The following CHRDL1 variants were observed in gnomAD, a reference collection of about 807,000 sequenced individuals.
The protein encoded by CHRDL1 is chordin-like protein 1.
CHRDL1 carries 19 observed loss-of-function variants against 40.9 expected under a neutral mutation model. The observed-to-expected ratio is 0.46, with a 90% CI of 0.32 to 0.68. The LOEUF (loss-of-function observed/expected upper bound fraction) is 0.68. Ranked by LOEUF, CHRDL1 falls within the 30% of genes least tolerant of loss-of-function variation. The pLI is 0.03. For synonymous variants in CHRDL1, 136 were observed against 123.4 expected (o/e 1.10, Z -0.68); for missense variants, 329 against 352.1 (o/e 0.93, Z 0.53).
intron 6 of CHRDL1, among the ~76,000 whole-genome samples, chrX:110,716,444 A>T (rs1246347140): frequency 9.0e-6 from 1 of 111,057 alleles, no homozygotes; most frequent in African/African-American, 3.3e-5. Flanking sequence ...ATGCATTAAT[A>T]GGGATGATAA....
intron 6 of CHRDL1, among the ~76,000 whole-genome samples, chrX:110,717,886 C>A (rs921564619): frequency 1.2e-4 from 13 of 111,865 alleles, no homozygotes; most frequent in Non-Finnish European, 2.1e-4. Context: ...TGGTTCACAA[C>A]CTTAGCTGCA....
intron 2 of CHRDL1, among the ~76,000 whole-genome samples, chrX:110,767,338 C>T (rs1213090752): frequency 9.0e-6 from 1 of 110,663 alleles, no homozygotes; most frequent in East Asian, 2.8e-4. Flanking sequence ...AAGTCCTAGC[C>T]AGAGCAATCA....
rs758218753 is a variant in CHRDL1 at position 110,705,760 on chromosome X, C to A, written c.542-5039G>T. 3.7e-5 allele frequency among the ~76,000 whole-genome samples: 4 copies of A among 107,463 alleles called. No individual in the cohort carries two copies. The East Asian group carries it at 1.2e-3, about 31-fold the overall frequency. 93.3% of individuals were successfully genotyped at this position (107,463 alleles called of 115,157 possible). A position where few individuals can be genotyped will look rare whatever the true frequency, so the allele number is the denominator to read the frequency against. ...AGCATTTTGGACAAGGGATATTTAACCTGTATATAAATACACACATATATG... is the reference window on the plus strand; with the variant it reads ...AGCATTTTGGACAAGGGATATTTAAACTGTATATAAATACACACATATATG... On this transcript the variant is annotated intron_variant, in intron 6 of 11. Transcript: ENST00000372042.
In CHRDL1 at chrX:110,719,518, C is replaced by T. The variant is rs1370288629; in HGVS notation, c.541+317G>A. Among the ~76,000 whole-genome samples, 4 of 109,845 alleles carry T rather than the reference C, an allele frequency of 3.6e-5. No individual in the cohort carries two copies. In the East Asian group the frequency reaches 1.1e-3, roughly 31 times the overall value. Reference sequence around the variant, plus strand: ...TGAAAATAGTCTGTGTTTTATGATACAATAATTTAAGGGCCAAGCTAGAAG... The same window carrying T: ...TGAAAATAGTCTGTGTTTTATGATATAATAATTTAAGGGCCAAGCTAGAAG... On this transcript the variant is annotated intron_variant, in intron 6 of 11. Transcript: ENST00000372042.
intron 2 of CHRDL1, among the ~76,000 whole-genome samples, chrX:110,769,804 C>A (rs182755450): frequency 8.9e-6 from 1 of 111,758 alleles, no homozygotes; most frequent in Non-Finnish European, 1.9e-5. Flanking sequence ...GACCTCCCGC[C>A]GGGTTTCTCC....
intron 2 of CHRDL1, among the ~76,000 whole-genome samples, chrX:110,777,326 T>C (rs1288855236): frequency 1.4e-4 from 11 of 76,979 alleles, no homozygotes; most frequent in Non-Finnish European, 2.8e-4. Context: ...CAGGTTTTTG[T>C]GGGACATACA....
chrX:110,789,280 A>C (rs143537105), intron 2 of CHRDL1, among the ~76,000 whole-genome samples: 2,716 of 111,686 alleles, frequency 0.024, 81 homozygotes, highest in African/African-American at 0.083. Flanking sequence ...CCAAAATACA[A>C]AGATTGATTA....
chrX:110,688,111 C>T (rs2070063825), intron 9 of CHRDL1, among the ~76,000 whole-genome samples: 1 of 111,226 alleles, frequency 9.0e-6, no homozygotes, highest in Non-Finnish European at 1.9e-5. Context: ...TTCAATTGTA[C>T]AGATAAGGCT....
At chrX:110,739,082 G>A (rs917869085) in intron 4 of CHRDL1, among the ~76,000 whole-genome samples, 2 of 111,915 alleles carry the variant, frequency 1.8e-5, no homozygotes, top group African/African-American at 6.5e-5. Flanking sequence ...AAAATGTAAG[G>A]ACTGGCAAAA....
chrX:110,777,368 G>A (rs2089869287), intron 2 of CHRDL1, among the ~76,000 whole-genome samples: 1 of 111,138 alleles, frequency 9.0e-6, no homozygotes, highest in Admixed American at 9.6e-5. Flanking sequence ...ATATCAAGGA[G>A]TGAAACTGCT....
At chrX:110,682,255 C>G (rs1477683852) in intron 9 of CHRDL1, among the ~76,000 whole-genome samples, 1 of 112,444 alleles carries the variant, frequency 8.9e-6, no homozygotes, top group Non-Finnish European at 1.9e-5. Flanking sequence ...ACCGGATCAG[C>G]ACCAGTGCCA....
chrX:110,735,378 CT>C (rs772694914), intron 4 of CHRDL1, among the ~76,000 whole-genome samples: 1 of 112,023 alleles, frequency 8.9e-6, no homozygotes, highest in Non-Finnish European at 1.9e-5. Flanking sequence ...CCACCAGACT[CT>C]TTTTTTCACC....
At chrX:110,685,317 C>T (rs5943049) in intron 9 of CHRDL1, among the ~76,000 whole-genome samples, 53,566 of 110,151 alleles carry the variant, frequency 0.49, 11,247 homozygotes, top group African/African-American at 0.79. Flanking sequence ...AGTGCAATGG[C>T]GCGATCTTGG....
chrX:110,708,581 C>A, intron 6 of CHRDL1, among the ~76,000 whole-genome samples: 1 of 111,703 alleles, frequency 9.0e-6, no homozygotes, highest in Non-Finnish European at 1.9e-5. Flanking sequence ...TTGAGAAATA[C>A]CAAAACACAC....
intron 4 of CHRDL1, among the ~76,000 whole-genome samples, chrX:110,726,648 G>A (rs1213088694): frequency 8.9e-6 from 1 of 111,990 alleles, no homozygotes; most frequent in Non-Finnish European, 1.9e-5. Context: ...GAGGTTCAGC[G>A]ATAATTAATT....
chrX:110,771,543 A>C (rs2089760375), intron 2 of CHRDL1, among the ~76,000 whole-genome samples: 1 of 112,450 alleles, frequency 8.9e-6, no homozygotes, highest in African/African-American at 3.2e-5. Context: ...AAATCCAATC[A>C]ATGTAATTCA....
intron 2 of CHRDL1, among the ~76,000 whole-genome samples, chrX:110,781,036 ACTT>A (rs1357011835): frequency 9.0e-6 from 1 of 111,008 alleles, no homozygotes; most frequent in East Asian, 2.8e-4. Context: ...TACAAATTAA[ACTT>A]CTGCTCCACA....
chrX:110,731,225 G>A (rs1156746734), intron 4 of CHRDL1, among the ~76,000 whole-genome samples: 1 of 111,354 alleles, frequency 9.0e-6, no homozygotes, highest in East Asian at 2.8e-4. Flanking sequence ...ACACAAGACT[G>A]GAACTATTCC....
intron 4 of CHRDL1, among the ~76,000 whole-genome samples, chrX:110,742,976 G>C (rs781566253): frequency 1.8e-5 from 2 of 111,953 alleles, no homozygotes; most frequent in Non-Finnish European, 3.8e-5. Flanking sequence ...AGTATCCAGC[G>C]AATGGGATAA....
Sources: gnomAD v4.1 joint callset for allele counts (sites outside exome capture counted in the v4.1 genomes callset) on GRCh38, gnomAD v4.1.1 for gene constraint, MANE v1.5 for transcripts, NCBI Gene and HGNC (gene_info 2026-07-23, HGNC 2026-07-21) for gene names.